Variants in CD55 observed in about 807,000 individuals in gnomAD.
The protein encoded by CD55 is complement decay-accelerating factor.
In CD55, 41 loss-of-function variants were observed where a neutral mutation model predicts 45.8. The ratio of observed to expected loss-of-function variants is 0.90; its 90% CI spans 0.70 to 1.16. CD55 has a LOEUF of 1.16. Among genes scored for constraint, CD55 ranks in the 50% most tolerant of loss-of-function variants. CD55 has a pLI of 0.00. For synonymous variants in CD55, 181 were observed against 181.1 expected (o/e 1.00, Z 0.01); for missense variants, 416 against 469.8 (o/e 0.89, Z 1.06).
rs1655242065 is a variant in CD55 at position 207,337,572 on chromosome 1, C to G, written c.1060+163C>G. 4.7e-5 allele frequency: 21 copies of G among 450,054 alleles called. No homozygotes were observed. The East Asian group carries it at 7.3e-4, about 16-fold the overall frequency. 27.9% of individuals were successfully genotyped at this position (450,054 alleles called of 1,614,324 possible). On this transcript the variant is annotated intron_variant, in intron 8 of 9. Transcript: ENST00000367064. The stretch of plus-strand genomic sequence containing the variant: ...TATTTGGAAGCGGACTTGGATTGTA[C>G]TAGGGCAAATCTTTAAAAAAAGAAA...
At chr1:207,350,729 T>C (rs1160221932) in intron 9 of CD55, among the ~76,000 whole-genome samples, 2 of 152,178 alleles carry the variant, frequency 1.3e-5, no homozygotes, top group Non-Finnish European at 2.9e-5. Context: ...ATTGTGTTTA[T>C]TTGGATGTTC....
chr1:207,321,960 G>T (rs1487867363), intron 1 of CD55, 95 bp downstream of exon 1: 3 of 892,270 alleles, frequency 3.4e-6, no homozygotes, highest in Admixed American at 2.9e-5. Context: ...GACTTGGCAG[G>T]TGGGGAGCTT....
At chr1:207,346,171 G>A (rs1364224182) in intron 9 of CD55, among the ~76,000 whole-genome samples, 1 of 152,228 alleles carries the variant, frequency 6.6e-6, no homozygotes, top group Non-Finnish European at 1.5e-5. Flanking sequence ...AGCAGTCTGT[G>A]CCAGTGTTGG....
At chr1:207,327,196 G>C (rs12564534) in intron 5 of CD55, among the ~76,000 whole-genome samples, 1 of 152,150 alleles carries the variant, frequency 6.6e-6, no homozygotes, top group African/African-American at 2.4e-5. Context: ...GTGTCAATCA[G>C]AGGGTCTGTA....
chr1:207,349,805 T>C (rs1258386438), intron 9 of CD55, among the ~76,000 whole-genome samples: 1 of 152,236 alleles, frequency 6.6e-6, no homozygotes, highest in Non-Finnish European at 1.5e-5. Context: ...TCATATCATC[T>C]GTGAAGAGAG....
chr1:207,356,525 T>C (rs1471645967), intron 9 of CD55, among the ~76,000 whole-genome samples: 1 of 152,244 alleles, frequency 6.6e-6, no homozygotes, highest in African/African-American at 2.4e-5. Flanking sequence ...CTAGGAAAAA[T>C]CAACCTCTAA....
Position 207,336,799 on chromosome 1 carries a change from C to T in CD55, c.960C>T (p.Thr320=), listed in dbSNP as rs774258898. 1.3e-5 allele frequency: 21 copies of T among 1,613,646 alleles called. No homozygotes were observed. Among genetic ancestry groups the T allele is most frequent in the Non-Finnish European group, 1.7e-5 (20 of 1,179,832 alleles). The part of the protein sequence containing the change: ...SPTSQKTTTK[T]TTPNAQATRS... ...CTTCTCAGAAAACCACCACAAAAAC[C>T]ACCACACCAAATGCTCAAGGTACAG... Residue 320 remains threonine (T), a synonymous_variant, in exon 7 of 10, where the codon ACC becomes ACT. Transcript: ENST00000367064.
intron 9 of CD55, among the ~76,000 whole-genome samples, chr1:207,344,303 T>G (rs977940947): frequency 1.6e-4 from 25 of 152,244 alleles, no homozygotes; most frequent in African/African-American, 6.0e-4. Context: ...TTTGTGTGTT[T>G]GCTCTACCAG....
At chr1:207,359,289 T>C (rs538444381) in intron 9 of CD55, among the ~76,000 whole-genome samples, 1 of 152,186 alleles carries the variant, frequency 6.6e-6, no homozygotes, top group East Asian at 1.9e-4. Flanking sequence ...GGTACCTTAA[T>C]TCATTCTAGC....
At position 207,321,686 on chromosome 1, in the gene CD55, T is replaced by C. The variant is rs919254748; in HGVS notation, c.-80T>C. On this transcript the variant is annotated 5_prime_UTR_variant, in exon 1 of 10. Coordinates refer to ENST00000367064, the MANE Select transcript of CD55 (RefSeq NM_000574.5). ...GCGGAGCCACGAGGCTTCTGCTTAC[T>C]GCAACTCGCTCCGGCCGCTGGGCGT... 9.4e-6 allele frequency: 10 copies of C among 1,067,190 alleles called. No individual in the cohort carries two copies. The highest frequency in any genetic ancestry group is 6.5e-6 in the Non-Finnish European group (5 of 764,610). 66.1% of individuals were successfully genotyped at this position (1,067,190 alleles called of 1,614,324 possible).
rs28371588 is a variant in CD55, at chr1:207,322,436, G to A, written c.155G>A (p.Arg52His). The change falls in exon 2 of 10, where the codon CGT becomes CAT. Residue 52 changes from arginine to histidine, a missense_variant. Coordinates refer to ENST00000367064, the MANE Select transcript of CD55 (RefSeq NM_000574.5). ...VPNAQPALEG[R>H]TSFPEDTVIT... Reference sequence around the variant, plus strand: ...AATGCCCAGCCAGCTTTGGAAGGCCGTACAAGTTTTCCCGAGGATACTGTA... The same window carrying A: ...AATGCCCAGCCAGCTTTGGAAGGCCATACAAGTTTTCCCGAGGATACTGTA... 3.1e-6 allele frequency: 5 copies of A among 1,614,024 alleles called. No homozygotes were observed. The highest frequency in any genetic ancestry group is 2.7e-5 in the African/African-American group (2 of 74,932).
chr1:207,326,906 C>T (rs1654712011), intron 5 of CD55, 69 bp downstream of exon 5: 1 of 1,128,402 alleles, frequency 8.9e-7, no homozygotes. Context: ...AATTTCTGCC[C>T]CTTAAGAATA....
At position 207,322,400 on chromosome 1, in the gene CD55, C is replaced by T. The variant is rs779820703; in HGVS notation, c.119C>T (p.Pro40Leu). ...TCCCTAGGTGACTGTGGCCTTCCCC[C>T]AGATGTACCTAATGCCCAGCCAGCT... ...PAVWGDCGLP[P>L]DVPNAQPALE... is the part of the protein sequence containing the mutation. The change falls in exon 2 of 10, where the codon CCA becomes CTA. Residue 40 changes from proline to leucine, a missense_variant. Coordinates refer to ENST00000367064, the MANE Select transcript of CD55 (RefSeq NM_000574.5). 6.2e-7 allele frequency: 1 copy of T among 1,614,030 alleles called. No homozygotes were observed. Among genetic ancestry groups the T allele is most frequent in the Non-Finnish European group, 8.5e-7 (1 of 1,179,910 alleles).
At chr1:207,355,393 G>A (rs1182101437) in intron 9 of CD55, among the ~76,000 whole-genome samples, 1 of 152,122 alleles carries the variant, frequency 6.6e-6, no homozygotes, top group East Asian at 1.9e-4. Flanking sequence ...AGAGAAAAGG[G>A]CAAATGGGTG....
At chr1:207,321,898 T>C in intron 1 of CD55, 33 bp downstream of exon 1, 1 of 1,433,906 alleles carries the variant, frequency 7.0e-7, no homozygotes. Flanking sequence ...GGGAAGCCCC[T>C]GGGCTGGGTG....
In CD55 at chr1:207,321,722, C is replaced by A. The variant is rs1654406539; in HGVS notation, c.-44C>A. 2.1e-6 allele frequency: 3 copies of A among 1,413,464 alleles called. No homozygotes were observed. Among genetic ancestry groups the A allele is most frequent in the African/African-American group, 1.5e-5 (1 of 67,238 alleles). 87.6% of individuals were successfully genotyped at this position (1,413,464 alleles called of 1,614,324 possible). ...CCGGCCGCTGGGCGTAGCTGCGACT[C>A]GGCGGAGTCCCGGCGGCGCGTCCTT... is the stretch of plus-strand genomic sequence containing the variant. On this transcript the variant is annotated 5_prime_UTR_variant, in exon 1 of 10. Coordinates refer to ENST00000367064, the MANE Select transcript of CD55 (RefSeq NM_000574.5).
chr1:207,335,768 C>T (rs938045391), intron 6 of CD55, among the ~76,000 whole-genome samples: 1 of 152,088 alleles, frequency 6.6e-6, no homozygotes, highest in Non-Finnish European at 1.5e-5. Flanking sequence ...TAGGGCATCC[C>T]GTGTGTGATG....
chr1:207,354,223 CA>C, intron 9 of CD55: 1 of 1,287,342 alleles, frequency 7.8e-7, no homozygotes. Flanking sequence ...GAAAATATTT[CA>C]AACAGTTAAA....
chr1:207,338,955 T>C (rs546417400), intron 8 of CD55, among the ~76,000 whole-genome samples: 1 of 152,294 alleles, frequency 6.6e-6, no homozygotes, highest in South Asian at 2.1e-4. Flanking sequence ...TCCGTAGTCA[T>C]TGAAAGATAT....
Sources: gnomAD v4.1 joint callset for allele counts (sites outside exome capture counted in the v4.1 genomes callset) on GRCh38, gnomAD v4.1.1 for gene constraint, MANE v1.5 for transcripts, NCBI Gene and HGNC (gene_info 2026-07-23, HGNC 2026-07-21) for gene names.